Variants in GNAQ observed in about 807,000 individuals in gnomAD.
GNAQ encodes the protein G protein subunit alpha q.
In GNAQ, 8 loss-of-function variants were observed where a neutral mutation model predicts 43.9. That is an observed-to-expected ratio of 0.18 (90% CI 0.11 to 0.33). GNAQ has a LOEUF of 0.33. Ranked by LOEUF, GNAQ falls within the 10% of genes least tolerant of loss-of-function variation. The pLI is 1.00. For missense variants in GNAQ, 158 were observed against 450.8 expected (o/e 0.35, Z 5.88); for synonymous variants, 155 against 170.7 (o/e 0.91, Z 0.71).
At chr9:77,995,912 T>C (rs1220555329) in intron 1 of GNAQ, among the ~76,000 whole-genome samples, 1 of 152,224 alleles carries the variant, frequency 6.6e-6, no homozygotes, top group African/African-American at 2.4e-5. Context: ...ATAAATTAAA[T>C]TCTCTAGAAG....
At chr9:77,804,215 C>G (rs1439214454) in intron 3 of GNAQ, among the ~76,000 whole-genome samples, 1 of 152,086 alleles carries the variant, frequency 6.6e-6, no homozygotes, top group Non-Finnish European at 1.5e-5. Context: ...CCCCTCCCCC[C>G]ACCTATGACT....
In GNAQ at chr9:77,821,084, G is replaced by C. The variant is rs143143594; in HGVS notation, c.322-5314C>G. Among the ~76,000 whole-genome samples, 532 of 152,290 alleles carry C rather than the reference G, an allele frequency of 3.5e-3. 1 individual carries two copies. The highest frequency in any genetic ancestry group is 5.2e-3 in the Non-Finnish European group (357 of 68,008). Reference sequence around the variant, plus strand: ...CAATGTTCTAGATTACAATGTTAGAGAAGAAAGTTTATTAAACTGCCACAT... The same window carrying C: ...CAATGTTCTAGATTACAATGTTAGACAAGAAAGTTTATTAAACTGCCACAT... On this transcript the variant is annotated intron_variant, in intron 2 of 6. Transcript: ENST00000286548.
chr9:77,969,941 G>GA (rs1306759006), intron 1 of GNAQ, among the ~76,000 whole-genome samples: 1 of 152,160 alleles, frequency 6.6e-6, no homozygotes, highest in Non-Finnish European at 1.5e-5. Context: ...ACCTTGTTAC[G>GA]AAAGTGATGG....
At chr9:77,761,459 GCCC>G (rs1219041672) in intron 5 of GNAQ, among the ~76,000 whole-genome samples, 2 of 133,970 alleles carry the variant, frequency 1.5e-5, no homozygotes, top group South Asian at 5.1e-4. Context: ...TGGGGGGTCA[GCCC>G]CCCGCCTGGC....
chr9:78,028,490 T>C (rs948025919), intron 1 of GNAQ, among the ~76,000 whole-genome samples: 2 of 152,202 alleles, frequency 1.3e-5, no homozygotes, highest in Non-Finnish European at 2.9e-5. Context: ...CATGAGCAAA[T>C]GCAAGGGTAC....
At chr9:77,816,097 A>G (rs1827009449) in intron 2 of GNAQ, among the ~76,000 whole-genome samples, 1 of 152,154 alleles carries the variant, frequency 6.6e-6, no homozygotes, top group Non-Finnish European at 1.5e-5. Context: ...TAATCCTAAA[A>G]TGTTATTATT....
chr9:77,825,924 T>G (rs956191638), intron 2 of GNAQ, among the ~76,000 whole-genome samples: 4 of 152,124 alleles, frequency 2.6e-5, no homozygotes, highest in Non-Finnish European at 5.9e-5. Context: ...AGTCTGCACA[T>G]CTACCTGATA....
chr9:77,734,953 A>G (rs578026912), intron 5 of GNAQ, among the ~76,000 whole-genome samples: 4 of 152,182 alleles, frequency 2.6e-5, no homozygotes, highest in Non-Finnish European at 5.9e-5. Context: ...TTAAGACAAC[A>G]TCTGCTGGGT....
rs112350570 is a variant in GNAQ, at chr9:77,795,371, T to C, written c.606-779A>G. ...GTGACAATGTATGTCTGAAAATATC[T>C]AGCAATGCTTGGCACTGAGTCAAAG... is the stretch of plus-strand genomic sequence containing the variant. On this transcript the variant is annotated intron_variant, in intron 4 of 6. Coordinates refer to ENST00000286548, the MANE Select transcript of GNAQ (RefSeq NM_002072.5). 5.6e-3 allele frequency among the ~76,000 whole-genome samples: 860 copies of C among 152,290 alleles called. 1 individual carries two copies. The highest frequency in any genetic ancestry group is 0.02 in the African/African-American group (812 of 41,552).
chr9:77,717,776 T>C lies in GNAQ; in HGVS notation c.*3547A>G, dbSNP rs902235913. The C allele has an allele frequency of 4.3e-6, 1 of 232,532 alleles. No individual in the cohort carries two copies. Among genetic ancestry groups the C allele is most frequent in the African/African-American group, 2.2e-5 (1 of 45,314 alleles). The allele number at this position is 232,532 out of a possible 1,614,324, so 14.4% of individuals were successfully genotyped here. A position where few individuals can be genotyped will look rare whatever the true frequency, so the allele number is the denominator to read the frequency against. ...TTTTACGTGTTCTTCAGATTCCTTT[T>C]GTAGTTGTCATCTGCTAGTAAACAA... On this transcript the variant is annotated 3_prime_UTR_variant, in exon 7 of 7. Transcript: ENST00000286548.
In GNAQ at chr9:77,948,945, A is replaced by G. The variant is rs565205579; in HGVS notation, c.137-26600T>C. 1.5e-3 allele frequency among the ~76,000 whole-genome samples: 233 copies of G among 152,276 alleles called. 2 individuals are homozygous for G. Among genetic ancestry groups the G allele is most frequent in the African/African-American group, 4.7e-3 (197 of 41,556 alleles). On this transcript the variant is annotated intron_variant, in intron 1 of 6. Coordinates refer to ENST00000286548, the MANE Select transcript of GNAQ (RefSeq NM_002072.5). Reference sequence around the variant, plus strand: ...CTGCCCACAATGTCTTGATACAGACAGCCCACTTCTCCCACAAGACTGTAA... The same window carrying G: ...CTGCCCACAATGTCTTGATACAGACGGCCCACTTCTCCCACAAGACTGTAA...
chr9:77,917,666 C>T (rs565828616), intron 2 of GNAQ, among the ~76,000 whole-genome samples: 2 of 152,044 alleles, frequency 1.3e-5, no homozygotes, highest in African/African-American at 4.8e-5. Flanking sequence ...TTGATTTGAC[C>T]GAGTGACAAA....
intron 2 of GNAQ, among the ~76,000 whole-genome samples, chr9:77,823,085 G>A (rs907812063): frequency 3.9e-5 from 6 of 152,096 alleles, no homozygotes; most frequent in Admixed American, 2.6e-4. Flanking sequence ...GACTACAGGC[G>A]TCTGCCACAA....
intron 1 of GNAQ, among the ~76,000 whole-genome samples, chr9:78,000,172 G>A (rs1238945516): frequency 1.3e-5 from 2 of 152,104 alleles, no homozygotes; most frequent in Non-Finnish European, 1.5e-5. Flanking sequence ...ATTAAAAAGA[G>A]GGTAATTAGC....
intron 1 of GNAQ, among the ~76,000 whole-genome samples, chr9:77,972,541 T>C (rs1246671092): frequency 6.6e-6 from 1 of 152,052 alleles, no homozygotes; most frequent in African/African-American, 2.4e-5. Context: ...AATAAGTAAG[T>C]ACTAGTTACA....
At chr9:77,753,312 C>G (rs962889380) in intron 5 of GNAQ, among the ~76,000 whole-genome samples, 8 of 152,070 alleles carry the variant, frequency 5.3e-5, no homozygotes, top group African/African-American at 1.9e-4. Flanking sequence ...CCCCCACCCA[C>G]CCCCTGAAGA....
chr9:77,841,809 T>TA (rs1827495320), intron 2 of GNAQ, among the ~76,000 whole-genome samples: 1 of 152,156 alleles, frequency 6.6e-6, no homozygotes, highest in Admixed American at 6.5e-5. Flanking sequence ...GTTTTATTCT[T>TA]AAAAACAAGG....
At chr9:77,865,011 A>T (rs1827925113) in intron 2 of GNAQ, among the ~76,000 whole-genome samples, 1 of 152,226 alleles carries the variant, frequency 6.6e-6, no homozygotes, top group South Asian at 2.1e-4. Context: ...CCCATCAAAA[A>T]GAAAATTAAC....
At chr9:77,996,677 CAAAAAAAAAAAAA>C (rs3083223) in intron 1 of GNAQ, among the ~76,000 whole-genome samples, 4 of 105,592 alleles carry the variant, frequency 3.8e-5, no homozygotes, top group Non-Finnish European at 3.8e-5. Context: ...GACTCCATCT[CAAAAAAAAAAAAA>C]AAAAAAGAAA....
Sources: allele counts gnomAD v4.1 joint callset (sites outside exome capture counted in the v4.1 genomes callset), GRCh38; gene constraint gnomAD v4.1.1; transcripts MANE v1.5; gene names NCBI Gene and HGNC (gene_info 2026-07-23, HGNC 2026-07-21).